The following SGK2 variants were observed in gnomAD, a reference collection of about 807,000 sequenced individuals.
SGK2 encodes the protein serine/threonine-protein kinase Sgk2.
In SGK2, 36 loss-of-function variants were observed where a neutral mutation model predicts 47.5. That is an observed-to-expected ratio of 0.76 (90% CI 0.58 to 1.00). The LOEUF is 1.00. SGK2 is among the 50% of genes least tolerant of loss of function. The pLI is 0.00. For missense variants in SGK2, 404 were observed against 467.4 expected (o/e 0.86, Z 1.25); for synonymous variants, 157 against 181.9 (o/e 0.86, Z 1.10).
At chr20:43,570,554 A>C in intron 6 of SGK2, 63 bp from the exon 7 acceptor site, 9 of 1,039,338 alleles carry the variant, frequency 8.7e-6, no homozygotes, top group Non-Finnish European at 1.3e-5. Flanking sequence ...GGCGGGGAGC[A>C]GGTGCACCCT....
Position 43,572,274 on chromosome 20 carries a change from C to A in SGK2, c.597+137C>A. 1 of 652,794 alleles carries A rather than the reference C, an allele frequency of 1.5e-6. No individual in the cohort carries two copies. The highest frequency in any genetic ancestry group is 2.7e-6 in the Non-Finnish European group (1 of 366,376). 40.4% of individuals were successfully genotyped at this position (652,794 alleles called of 1,614,324 possible). ...TCTCCTGAGTGGGCTATACACTGAA[C>A]TGTGGTTTCCTCATCTATGTAATGG... On this transcript the variant is annotated intron_variant, in intron 9 of 12. Coordinates refer to ENST00000373100, the MANE Select transcript of SGK2 (RefSeq NM_170693.3). The surrounding 1 kb of genome is among the most constrained non-coding windows in gnomAD (Gnocchi z 4.2).
intron 1 of SGK2, among the ~76,000 whole-genome samples, chr20:43,564,210 C>T (rs540658931): frequency 6.6e-6 from 1 of 152,370 alleles, no homozygotes; most frequent in African/African-American, 2.4e-5. Context: ...GCAGGAGAGT[C>T]GTGGGCCAAC....
At chr20:43,568,950 G>A (rs1189504301) in intron 5 of SGK2, among the ~76,000 whole-genome samples, 1 of 152,190 alleles carries the variant, frequency 6.6e-6, no homozygotes, top group Non-Finnish European at 1.5e-5. Context: ...CCTGAGGGAG[G>A]CAGCGGTGCA....
chr20:43,562,791 T>C (rs546678964), intron 1 of SGK2, among the ~76,000 whole-genome samples: 180 of 151,580 alleles, frequency 1.2e-3, no homozygotes, highest in Non-Finnish European at 1.1e-3. Flanking sequence ...ATCTGACTAG[T>C]GAATTGTCAA....
chr20:43,576,562 A>G (rs538828272), intron 11 of SGK2, among the ~76,000 whole-genome samples, 183 bp downstream of exon 11: 7 of 152,230 alleles, frequency 4.6e-5, no homozygotes, highest in Non-Finnish European at 7.3e-5. Context: ...CTCTTAGTCA[A>G]TCAATATTTA....
intron 1 of SGK2, among the ~76,000 whole-genome samples, chr20:43,562,404 C>CT (rs1979441628): frequency 8.6e-6 from 1 of 116,054 alleles, no homozygotes; most frequent in Non-Finnish European, 1.6e-5. Context: ...GGCTGCAGAG[C>CT]TAAACCATGT....
intron 9 of SGK2, 68 bp from the exon 10 acceptor site, chr20:43,574,841 C>T: frequency 8.6e-7 from 1 of 1,166,884 alleles, no homozygotes; most frequent in Non-Finnish European, 1.3e-6. Flanking sequence ...CCTCCAAGTG[C>T]CTTATTTACA....
At position 43,571,066 on chromosome 20, in the gene SGK2, T is replaced by TGGGG. The variant is rs376000344; in HGVS notation, c.510+7_510+8insGGGG. ...ACATTCTCTTGGACTGCCAGGTTGG[T>TGGGG]GTGTGTGTGTGTGTGTGTGTGTGTG... On this transcript the variant is annotated splice_region_variant and intron_variant, in intron 8 of 12. Transcript: ENST00000373100. The TGGGG allele has an allele frequency of 0.018, 1,109 of 61,838 alleles. 3 individuals are homozygous for TGGGG. The highest frequency in any genetic ancestry group is 0.018 in the Non-Finnish European group (603 of 33,646). The allele number at this position is 61,838 out of a possible 1,614,324, so 3.8% of individuals were successfully genotyped here.
chr20:43,570,797 G>A (rs1418863143), intron 7 of SGK2, 68 bp downstream of exon 7: 2 of 1,351,902 alleles, frequency 1.5e-6, no homozygotes, highest in East Asian at 4.6e-5. Flanking sequence ...GGGTTGTGTG[G>A]ACACTAAATC....
intron 12 of SGK2, among the ~76,000 whole-genome samples, chr20:43,581,666 T>C (rs1365963124): frequency 6.6e-6 from 1 of 152,084 alleles, no homozygotes. Context: ...GTAGCTGTGA[T>C]TATAGGCATG....
At chr20:43,570,518 G>A in intron 6 of SGK2, 99 bp from the exon 7 acceptor site, 2 of 731,526 alleles carry the variant, frequency 2.7e-6, no homozygotes, top group Non-Finnish European at 4.7e-6. Flanking sequence ...GCAGGTCAGA[G>A]AGGGAGTGAG....
At chr20:43,573,350 G>A (rs1426943427) in intron 9 of SGK2, among the ~76,000 whole-genome samples, 1 of 152,120 alleles carries the variant, frequency 6.6e-6, no homozygotes, top group African/African-American at 2.4e-5. Flanking sequence ...TTAGCCAGGT[G>A]TGCTGGCAGG....
chr20:43,577,615 C>A (rs1980544455), intron 11 of SGK2, among the ~76,000 whole-genome samples: 1 of 150,120 alleles, frequency 6.7e-6, no homozygotes, highest in Non-Finnish European at 1.5e-5. Flanking sequence ...TCCCAAAGTG[C>A]TGGGATTACA....
At chr20:43,571,090 TG>T (rs1417413806) in intron 8 of SGK2, 30 bp downstream of exon 8, 2 of 1,609,904 alleles carry the variant, frequency 1.2e-6, no homozygotes, top group Non-Finnish European at 1.7e-6. Flanking sequence ...TGTGTGTGTG[TG>T]TGTGTGTGTG....
chr20:43,573,949 A>G (rs777778280), intron 9 of SGK2, among the ~76,000 whole-genome samples: 4 of 152,176 alleles, frequency 2.6e-5, no homozygotes, highest in African/African-American at 7.2e-5. Flanking sequence ...AGCCACTGCC[A>G]TGGTGTTGGG....
At chr20:43,581,102 C>G (rs937735128) in intron 12 of SGK2, among the ~76,000 whole-genome samples, 6 of 152,106 alleles carry the variant, frequency 3.9e-5, no homozygotes, top group Admixed American at 3.9e-4. Context: ...GTCTCGATCT[C>G]CTGACCTCGT....
Position 43,574,923 on chromosome 20 carries a change from A to G in SGK2, c.612A>G (p.Glu204=). 3 of 1,613,402 alleles carry G rather than the reference A, an allele frequency of 1.9e-6. No homozygotes were observed. The highest frequency in any genetic ancestry group is 2.5e-6 in the Non-Finnish European group (3 of 1,179,486). ...CCTTCTAACAGTACTTGGCACCTGA[A>G]GTGCTTCGGAAAGAGCCTTATGATC... The part of the protein sequence containing the change: ...FCGTPEYLAP[E]VLRKEPYDRA... The change falls in exon 10 of 13, where the codon GAA becomes GAG. Residue 204 remains glutamate (E), a synonymous_variant. Transcript: ENST00000373100.
At chr20:43,580,858 GT>G (rs943826688) in intron 12 of SGK2, among the ~76,000 whole-genome samples, 12 of 149,870 alleles carry the variant, frequency 8.0e-5, no homozygotes, top group African/African-American at 2.9e-4. Flanking sequence ...TTTTCTATGT[GT>G]TTTTTTTTGT....
At position 43,570,970 on chromosome 20, in the gene SGK2, C is replaced by G. The variant is rs558833528; in HGVS notation, c.474-54C>G. 3.7e-6 allele frequency: 6 copies of G among 1,612,028 alleles called. No homozygotes were observed. The African/African-American group carries it at 4.0e-5, about 11-fold the overall frequency. The stretch of plus-strand genomic sequence containing the variant: ...CCACCCCCCGCCCAGGTCTCCAACT[C>G]TCCTCACTAAATGGCTGAGACACCT... On this transcript the variant is annotated intron_variant, in intron 7 of 12. Transcript: ENST00000373100.
Sources: gnomAD v4.1 joint callset for allele counts (sites outside exome capture counted in the v4.1 genomes callset) on GRCh38, gnomAD v4.1.1 for gene constraint, Gnocchi (gnomAD v3.1) non-coding constraint, MANE v1.5 for transcripts, NCBI Gene and HGNC (gene_info 2026-07-23, HGNC 2026-07-21) for gene names.